Variants in MTA3 observed in about 807,000 individuals in gnomAD.
MTA3 encodes the protein metastasis associated 1 family member 3, also known as metastasis-associated protein MTA3.
A neutral mutation model predicts 83.5 loss-of-function variants in MTA3; 34 were observed. That is an observed-to-expected ratio of 0.41 (90% CI 0.31 to 0.54). The LOEUF is 0.54. Ranked by LOEUF, MTA3 falls within the 20% of genes least tolerant of loss-of-function variation. The pLI is 0.33. For synonymous variants in MTA3, 303 were observed against 252.7 expected, an observed-to-expected ratio of 1.20 and a Z score of -1.89; for missense variants, 761 against 726.4, an observed-to-expected ratio of 1.05 and a Z score of -0.55.
At chr2:42,577,105 A>AAAAAAAAAATATATATATAT (rs1211189566) in intron 2 of MTA3, among the ~76,000 whole-genome samples, 34 of 86,894 alleles carry the variant, frequency 3.9e-4, no homozygotes, top group African/African-American at 1.5e-3. Flanking sequence ...AAAAAAAAAA[A>AAAAAAAAAATATATATATAT]ATATATATAT....
At chr2:42,512,222 G>A (rs1199288023) in intron 2 of MTA3, among the ~76,000 whole-genome samples, 1 of 151,634 alleles carries the variant, frequency 6.6e-6, no homozygotes, top group Non-Finnish European at 1.5e-5. Flanking sequence ...ATTTGGAGAA[G>A]ATGCATTTAG....
chr2:42,651,799 C>G (rs1284187511), intron 6 of MTA3, among the ~76,000 whole-genome samples: 1 of 117,918 alleles, frequency 8.5e-6, no homozygotes, highest in East Asian at 2.5e-4. Context: ...GACCTTGTCT[C>G]AAAAAAAAAA....
In MTA3 at chr2:42,533,608, C is replaced by T. The variant is rs189091298; in HGVS notation, c.-140-36829C>T. Among the ~76,000 whole-genome samples, 417 of 143,340 alleles carry T rather than the reference C, an allele frequency of 2.9e-3. 1 individual carries two copies. The highest frequency in any genetic ancestry group is 0.011 in the Middle Eastern group (3 of 262). 94.0% of individuals were successfully genotyped at this position (143,340 alleles called of 152,430 possible). ...CAGCACTTTGGGAGGCCGAGGTGGGCGGATCACGAGGTTAGGAGATCGAGA... is the reference window on the plus strand; with the variant it reads ...CAGCACTTTGGGAGGCCGAGGTGGGTGGATCACGAGGTTAGGAGATCGAGA... On this transcript the variant is annotated intron_variant, in intron 2 of 17. Transcript: ENST00000405592.
At position 42,753,594 on chromosome 2, in the gene MTA3, G is replaced by A. The variant is rs1266692206; in HGVS notation, c.*195G>A. On this transcript the variant is annotated 3_prime_UTR_variant, in exon 17 of 17. Transcript: ENST00000405094. ...TCCAAATCCTGTGTCTCCACGTGTG[G>A]ATCAGCAGCACCTCGCTTTCTTGTC... is the stretch of plus-strand genomic sequence containing the variant. 3 of 1,392,964 alleles carry A rather than the reference G, an allele frequency of 2.2e-6. No individual in the cohort carries two copies. The Admixed American group carries it at 9.1e-5, about 42-fold the overall frequency. The allele number at this position is 1,392,964 out of a possible 1,614,324, so 86.3% of individuals were successfully genotyped here.
At chr2:42,714,686 A>G (rs184880424) in intron 14 of MTA3, among the ~76,000 whole-genome samples, 53 of 152,336 alleles carry the variant, frequency 3.5e-4, no homozygotes, top group Non-Finnish European at 6.8e-4. Context: ...TACCAGGGAC[A>G]GGTTTCATGG....
At chr2:42,522,061 A>G (rs567677876) in intron 2 of MTA3, among the ~76,000 whole-genome samples, 3 of 152,124 alleles carry the variant, frequency 2.0e-5, no homozygotes, top group Non-Finnish European at 4.4e-5. Flanking sequence ...GCCACACCTG[A>G]ATCTTTCTAA....
At chr2:42,659,222 G>A (rs1358878981) in intron 7 of MTA3, among the ~76,000 whole-genome samples, 1 of 152,172 alleles carries the variant, frequency 6.6e-6, no homozygotes, top group East Asian at 1.9e-4. Context: ...CTTACATATT[G>A]GAAGGACTTC....
intron 8 of MTA3, among the ~76,000 whole-genome samples, chr2:42,667,586 G>GTGTGTT (rs1272269198): frequency 1.5e-5 from 2 of 129,936 alleles, no homozygotes; most frequent in African/African-American, 3.0e-5. Context: ...GTGTGTGTGT[G>GTGTGTT]TGTGTGTGTG....
At chr2:42,639,204 G>T (rs755123036) in intron 4 of MTA3, among the ~76,000 whole-genome samples, 1 of 151,638 alleles carries the variant, frequency 6.6e-6, no homozygotes, top group Non-Finnish European at 1.5e-5. Context: ...GGGATTACAG[G>T]CATGTGCTAC....
intron 2 of MTA3, chr2:42,532,949 T>G (rs143182296): frequency 4.4e-6 from 1 of 229,096 alleles, no homozygotes; most frequent in African/African-American, 2.3e-5. Flanking sequence ...GCTCAGAGAG[T>G]GCTTAATGTG....
intron 16 of MTA3, among the ~76,000 whole-genome samples, chr2:42,724,816 T>C (rs551359075): frequency 6.6e-6 from 1 of 152,342 alleles, no homozygotes; most frequent in Non-Finnish European, 1.5e-5. Context: ...TTATTTAAAA[T>C]GTCACCTTGT....
rs1205329246 is a variant in MTA3 at position 42,753,502 on chromosome 2, G to A, written c.*103G>A. On this transcript the variant is annotated 3_prime_UTR_variant, in exon 17 of 17. Coordinates refer to ENST00000405094, the MANE Select transcript of MTA3 (RefSeq NM_001330442.2). ...GCAGCCCCACTCCCAGTACATTTCA[G>A]TGGGAGACCTCTGCGTGCATCCATG... The A allele has an allele frequency of 6.5e-7, 1 of 1,538,698 alleles. No homozygotes were observed.
At chr2:42,575,883 C>T (rs1678981766) in intron 2 of MTA3, among the ~76,000 whole-genome samples, 1 of 152,174 alleles carries the variant, frequency 6.6e-6, no homozygotes, top group Non-Finnish European at 1.5e-5. Context: ...CCTCCTCCCT[C>T]CGCCTACCTG....
At chr2:42,580,265 G>A (rs1679468370) in intron 3 of MTA3, among the ~76,000 whole-genome samples, 1 of 152,072 alleles carries the variant, frequency 6.6e-6, no homozygotes, top group African/African-American at 2.4e-5. Context: ...ATTGGTGTGA[G>A]CCACCATGCC....
chr2:42,633,657 C>T (rs1300951720), intron 4 of MTA3, among the ~76,000 whole-genome samples: 1 of 151,502 alleles, frequency 6.6e-6, no homozygotes, highest in Non-Finnish European at 1.5e-5. Flanking sequence ...TTTGGGAGGC[C>T]GAGGCGGGCG....
chr2:42,665,253 G>A (rs1002455890), intron 8 of MTA3, among the ~76,000 whole-genome samples: 4 of 152,120 alleles, frequency 2.6e-5, no homozygotes, highest in Non-Finnish European at 4.4e-5. Context: ...TTAGCTGGAT[G>A]TGGTGGCACG....
chr2:42,608,149 G>A (rs1478151842), intron 3 of MTA3, among the ~76,000 whole-genome samples: 2 of 152,228 alleles, frequency 1.3e-5, no homozygotes, highest in Non-Finnish European at 2.9e-5. Context: ...TGTTGCTGTT[G>A]TAGAGCTGGT....
rs943458987 is a variant in MTA3, at chr2:42,712,529, A to G, written c.1525+3433A>G. 2.2e-4 allele frequency among the ~76,000 whole-genome samples: 34 copies of G among 152,114 alleles called. 1 individual carries two copies. The highest frequency in any genetic ancestry group is 2.2e-3 in the Admixed American group (33 of 15,278). ...TAAACCAATTTCCCCAAATACCTAA[A>G]TATTATTTTAATAATCTTTATATGT... On this transcript the variant is annotated intron_variant, in intron 14 of 16. Coordinates refer to ENST00000405094, the MANE Select transcript of MTA3 (RefSeq NM_001330442.2).
intron 2 of MTA3, among the ~76,000 whole-genome samples, chr2:42,512,074 G>A (rs184810500): frequency 6.6e-6 from 1 of 150,756 alleles, no homozygotes; most frequent in Non-Finnish European, 1.5e-5. Flanking sequence ...AATATTTTCT[G>A]TGGAAACCTG....
Sources: gnomAD v4.1 joint callset for allele counts (sites outside exome capture counted in the v4.1 genomes callset) on GRCh38, gnomAD v4.1.1 for gene constraint, MANE v1.5 for transcripts, NCBI Gene and HGNC (gene_info 2026-07-23, HGNC 2026-07-21) for gene names.